Variants in SCN10A observed in about 807,000 individuals in gnomAD.
SCN10A encodes the protein sodium channel protein type 10 subunit alpha.
A neutral mutation model predicts 170.7 loss-of-function variants in SCN10A; 162 were observed. The ratio of observed to expected loss-of-function variants is 0.95; its 90% confidence interval spans 0.84 to 1.08. The LOEUF (loss-of-function observed/expected upper bound fraction) is 1.08, where lower values mean the gene tolerates loss of function less well. Among genes scored for constraint, SCN10A ranks in the 50% least tolerant of loss-of-function variants. The pLI is 0.00. For missense variants in SCN10A, 2,527 were observed against 2,436.9 expected, an observed-to-expected ratio of 1.04 and a Z score of -0.78; for synonymous variants, 985 against 904.6, an observed-to-expected ratio of 1.09 and a Z score of -1.59.
intron 4 of SCN10A, among the ~76,000 whole-genome samples, chr3:38,777,924 C>T (rs143427574): frequency 1.9e-4 from 29 of 152,002 alleles, no homozygotes; most frequent in African/African-American, 6.5e-4. Flanking sequence ...ATTGAAATAC[C>T]TAAATGTAGA....
intron 19 of SCN10A, among the ~76,000 whole-genome samples, 192 bp from the exon 20 acceptor site, chr3:38,722,604 C>T (rs1430728097): frequency 2.0e-5 from 3 of 152,232 alleles, no homozygotes; most frequent in Non-Finnish European, 4.4e-5. Context: ...AGGTGTTCCT[C>T]TCCATCATCA....
chr3:38,718,546 T>G lies in SCN10A; in HGVS notation c.3681+107A>C, dbSNP rs545463713. 44 of 1,169,232 alleles carry G rather than the reference T, an allele frequency of 3.8e-5. No individual in the cohort carries two copies. In the East Asian group the frequency reaches 8.5e-4, roughly 23 times the overall value. 72.4% of individuals were successfully genotyped at this position (1,169,232 alleles called of 1,614,324 possible). A position where few individuals can be genotyped will look rare whatever the true frequency, so the allele number is the denominator to read the frequency against. ...TCACTAAATGCTCAAAACTTTTCTT[T>G]GGAGTAGCCCTTGAGGGCCAGGTCT... is the stretch of plus-strand genomic sequence containing the variant. On this transcript the variant is annotated intron_variant, in intron 21 of 27. Coordinates refer to ENST00000449082, the MANE Select transcript of SCN10A (RefSeq NM_006514.4).
intron 13 of SCN10A, among the ~76,000 whole-genome samples, 193 bp downstream of exon 13, chr3:38,749,880 T>A (rs2063729083): frequency 6.6e-6 from 1 of 152,232 alleles, no homozygotes; most frequent in Non-Finnish European, 1.5e-5. Flanking sequence ...ATTATTTTGT[T>A]TTTGAAAAAT....
chr3:38,805,444 C>T (rs1367419286), intron 1 of SCN10A, among the ~76,000 whole-genome samples: 1 of 152,060 alleles, frequency 6.6e-6, no homozygotes, highest in Non-Finnish European at 1.5e-5. Context: ...TTAAATGTCC[C>T]TGGTTTTGCA....
At chr3:38,811,730 A>G in intron 1 of SCN10A, among the ~76,000 whole-genome samples, 1 of 152,164 alleles carries the variant, frequency 6.6e-6, no homozygotes, top group Non-Finnish European at 1.5e-5. Context: ...GACTCCAGCT[A>G]ATAAGAGGCA....
At chr3:38,780,487 C>G (rs1440575896) in intron 4 of SCN10A, among the ~76,000 whole-genome samples, 1 of 151,940 alleles carries the variant, frequency 6.6e-6, no homozygotes, top group Non-Finnish European at 1.5e-5. Context: ...TTAGTCTTAG[C>G]TTGTTTATAT....
chr3:38,793,853 G>C lies in SCN10A; in HGVS notation c.158C>G (p.Pro53Arg), dbSNP rs752235456. The change falls in exon 2 of 28, where the codon CCC becomes CGC. Residue 53 changes from proline (P) to arginine (R), a missense_variant. By Grantham distance (103) the Pro-to-Arg change is moderately radical. Coordinates refer to ENST00000449082, the MANE Select transcript of SCN10A (RefSeq NM_006514.4). ...GTTGCAGGCTTTCAAGTCCAGCTGG[G>C]GCCGAGGCTTCTCTTCTTGGTCCTT... ...EQKDQEEKPR[P>R]QLDLKACNQL... The C allele has an allele frequency of 6.8e-6, 11 of 1,613,878 alleles. No individual in the cohort carries two copies. Among genetic ancestry groups the C allele is most frequent in the African/African-American group, 5.3e-5 (4 of 74,882 alleles).
chr3:38,697,706 G>A lies in SCN10A; in HGVS notation c.5514C>T (p.Ser1838=). The A allele has an allele frequency of 6.2e-7, 1 of 1,614,084 alleles. No homozygotes were observed. Among genetic ancestry groups the A allele is most frequent in the Non-Finnish European group, 8.5e-7 (1 of 1,180,006 alleles). ...GGAGAGTGGTTGCTATTGGTTCATA[G>A]GATGATTTTGAAAGATTAGTTGCCA... The part of the protein sequence containing the change: ...KFMATNLSKS[S]YEPIATTLRW... The change falls in exon 28 of 28, where the codon TCC becomes TCT. Residue 1838 remains serine, a synonymous_variant. Coordinates refer to ENST00000449082, the MANE Select transcript of SCN10A (RefSeq NM_006514.4).
intron 4 of SCN10A, among the ~76,000 whole-genome samples, chr3:38,779,590 G>C (rs1313304559): frequency 6.6e-6 from 1 of 151,330 alleles, no homozygotes; most frequent in East Asian, 1.9e-4. Flanking sequence ...GTTTTGTTAG[G>C]TCTTTAAATA....
chr3:38,706,123 A>G (rs1290442044), intron 26 of SCN10A, among the ~76,000 whole-genome samples: 1 of 152,212 alleles, frequency 6.6e-6, no homozygotes, highest in African/African-American at 2.4e-5. Context: ...ATCAGAATCT[A>G]GACTAGTAAT....
At chr3:38,778,231 A>G (rs999652703) in intron 4 of SCN10A, among the ~76,000 whole-genome samples, 2 of 152,000 alleles carry the variant, frequency 1.3e-5, no homozygotes, top group Admixed American at 6.6e-5. Flanking sequence ...TCTTCTCTAC[A>G]ACCAAATTGC....
intron 27 of SCN10A, among the ~76,000 whole-genome samples, 196 bp downstream of exon 27, chr3:38,701,643 G>A (rs1338041012): frequency 6.6e-6 from 1 of 152,232 alleles, no homozygotes; most frequent in Non-Finnish European, 1.5e-5. Flanking sequence ...AAGGCCAAGA[G>A]AACCTCTTCA....
intron 18 of SCN10A, among the ~76,000 whole-genome samples, chr3:38,724,457 A>G (rs1030368423): frequency 6.6e-6 from 1 of 152,208 alleles, no homozygotes; most frequent in African/African-American, 2.4e-5. Context: ...TTCCTTCAAG[A>G]TTTGTAAGTG....
chr3:38,718,871 C>G, intron 20 of SCN10A, 45 bp from the exon 21 acceptor site: 1 of 1,591,010 alleles, frequency 6.3e-7, no homozygotes, highest in Non-Finnish European at 8.6e-7. Context: ...CCTGGACCCA[C>G]AGCACTGGGG....
At chr3:38,755,159 C>G (rs1039786313) in intron 11 of SCN10A, among the ~76,000 whole-genome samples, 10 of 151,808 alleles carry the variant, frequency 6.6e-5, no homozygotes, top group African/African-American at 2.4e-4. Flanking sequence ...TTTCTGATAA[C>G]AACAGGTGAC....
chr3:38,810,162 G>A (rs576699940), intron 1 of SCN10A, among the ~76,000 whole-genome samples: 2 of 152,276 alleles, frequency 1.3e-5, no homozygotes, highest in East Asian at 3.9e-4. Flanking sequence ...AATTATTTCA[G>A]AGCCAAAGTG....
At chr3:38,786,119 C>T (rs2064198430) in intron 4 of SCN10A, among the ~76,000 whole-genome samples, 1 of 152,064 alleles carries the variant, frequency 6.6e-6, no homozygotes. Context: ...CCAGCAATTC[C>T]ATTACTGGGT....
intron 22 of SCN10A, among the ~76,000 whole-genome samples, chr3:38,712,732 T>C (rs985151846): frequency 2.6e-5 from 4 of 152,204 alleles, no homozygotes; most frequent in African/African-American, 9.7e-5. Context: ...TGTGAGTGTG[T>C]GTATTATACT....
At chr3:38,771,214 T>C (rs1468137154) in intron 5 of SCN10A, 65 bp downstream of exon 5, 3 of 1,577,942 alleles carry the variant, frequency 1.9e-6, no homozygotes, top group South Asian at 1.2e-5. Context: ...GTTAGCCCTG[T>C]CTCCTACCCA....
Sources: allele counts gnomAD v4.1 joint callset (sites outside exome capture counted in the v4.1 genomes callset), GRCh38; gene constraint gnomAD v4.1.1; transcripts MANE v1.5; gene names NCBI Gene and HGNC (gene_info 2026-07-23, HGNC 2026-07-21).